The following CFAP61 variants were observed in gnomAD, a reference collection of about 807,000 sequenced individuals.
The protein encoded by CFAP61 is cilia and flagella associated protein 61, also known as cilia- and flagella-associated protein 61.
Under a neutral mutation model 135.6 loss-of-function variants are expected in CFAP61, and 107 were observed. That is an observed-to-expected ratio of 0.79 (90% CI 0.67 to 0.93). The LOEUF is 0.93. Among genes scored for constraint, CFAP61 ranks in the 40% least tolerant of loss-of-function variants. CFAP61 has a pLI of 0.00. For missense variants in CFAP61, 1,507 were observed against 1,556.2 expected, an observed-to-expected ratio of 0.97 and a Z score of 0.53; for synonymous variants, 575 against 578.5, an observed-to-expected ratio of 0.99 and a Z score of 0.09.
At chr20:20,243,874 T>TACA in intron 18 of CFAP61, among the ~76,000 whole-genome samples, 1 of 151,944 alleles carries the variant, frequency 6.6e-6, no homozygotes, top group East Asian at 1.9e-4. Context: ...ACAGTGGGGG[T>TACA]ACAGGCATTG....
chr20:20,188,085 G>A (rs2055644878), intron 14 of CFAP61, 29 bp downstream of exon 14: 1 of 1,613,008 alleles, frequency 6.2e-7, no homozygotes, highest in Non-Finnish European at 8.5e-7. Context: ...CAGACCTCAG[G>A]ATATGGGACC....
chr20:20,331,025 A>T (rs1175395917), intron 25 of CFAP61, among the ~76,000 whole-genome samples: 3 of 152,214 alleles, frequency 2.0e-5, no homozygotes, highest in Non-Finnish European at 4.4e-5. Context: ...AGACTATATA[A>T]ATACCTTATG....
chr20:20,183,531 A>G (rs1050256364), intron 13 of CFAP61, among the ~76,000 whole-genome samples: 3 of 152,338 alleles, frequency 2.0e-5, no homozygotes, highest in East Asian at 1.9e-4. Context: ...AAATACAGAC[A>G]TAGAGAGCAG....
At chr20:20,084,699 A>G (rs1219524805) in intron 6 of CFAP61, among the ~76,000 whole-genome samples, 2 of 152,212 alleles carry the variant, frequency 1.3e-5, no homozygotes, top group Non-Finnish European at 2.9e-5. Context: ...TAGCAAGCTC[A>G]GCTAACCGAC....
intron 25 of CFAP61, among the ~76,000 whole-genome samples, chr20:20,339,367 C>T (rs1373116765): frequency 2.0e-5 from 3 of 152,174 alleles, no homozygotes; most frequent in African/African-American, 4.8e-5. Context: ...CTAAGCTTCA[C>T]CAGGATCCAA....
intron 19 of CFAP61, among the ~76,000 whole-genome samples, chr20:20,250,549 G>A (rs1295806834): frequency 3.9e-5 from 6 of 152,148 alleles, no homozygotes; most frequent in African/African-American, 1.4e-4. Context: ...AGGAGTTTGA[G>A]ACCAGCTTGG....
Position 20,158,817 on chromosome 20 carries a change from CACA to C in CFAP61, c.952-552_952-550del, listed in dbSNP as rs2053167403. ...GATGTGTCATGTTCATTATCTTGAT[CACA>C]GTGATATTTTTATGGGTGTACACAT... On this transcript the variant is annotated intron_variant, in intron 9 of 26. Coordinates refer to ENST00000245957, the MANE Select transcript of CFAP61 (RefSeq NM_015585.4). Among the ~76,000 whole-genome samples the C allele has an allele frequency of 2.8e-4, 42 of 152,096 alleles. No individual in the cohort carries two copies. The South Asian group carries it at 8.3e-3, about 30-fold the overall frequency.
chr20:20,190,296 T>C lies in CFAP61; in HGVS notation c.1513-1046T>C, dbSNP rs76537868. On this transcript the variant is annotated intron_variant, in intron 14 of 26. Coordinates refer to ENST00000245957, the MANE Select transcript of CFAP61 (RefSeq NM_015585.4). ...AGCAGTGAAAGGAATGAACTCTTGA[T>C]ACATGCCTTGGCTTGGATAAATCTC... Among the ~76,000 whole-genome samples, 390 of 152,316 alleles carry C rather than the reference T, an allele frequency of 2.6e-3. 11 individuals are homozygous for C. In the East Asian group the frequency reaches 0.059, roughly 23 times the overall value.
chr20:20,199,570 A>G (rs1483209531), intron 16 of CFAP61, among the ~76,000 whole-genome samples, 198 bp from the exon 17 acceptor site: 2 of 152,084 alleles, frequency 1.3e-5, no homozygotes, highest in Non-Finnish European at 2.9e-5. Context: ...TTACTCTCGT[A>G]ATTATCTTCA....
chr20:20,331,166 A>G (rs2057976176), intron 25 of CFAP61, among the ~76,000 whole-genome samples: 2 of 152,282 alleles, frequency 1.3e-5, no homozygotes, highest in African/African-American at 2.4e-5. Flanking sequence ...TTAGCATCCT[A>G]CTGTAAGGAA....
intron 6 of CFAP61, among the ~76,000 whole-genome samples, chr20:20,078,779 A>AT (rs1213431766): frequency 2.0e-5 from 3 of 152,196 alleles, no homozygotes; most frequent in Non-Finnish European, 4.4e-5. Context: ...AAATGAAATT[A>AT]TTTAAGTAAA....
intron 18 of CFAP61, among the ~76,000 whole-genome samples, chr20:20,229,940 T>C (rs2049006474): frequency 1.3e-5 from 2 of 152,256 alleles, no homozygotes; most frequent in Admixed American, 6.5e-5. Context: ...GATGGGTCTC[T>C]TCCTCGAAAA....
At chr20:20,298,432 T>G in intron 25 of CFAP61, 46 bp downstream of exon 25, 1 of 1,501,238 alleles carries the variant, frequency 6.7e-7, no homozygotes, top group Non-Finnish European at 9.2e-7. Flanking sequence ...CAAATATATA[T>G]ATAATGTCTG....
chr20:20,199,625 T>G, intron 16 of CFAP61, 143 bp from the exon 17 acceptor site: 2 of 756,904 alleles, frequency 2.6e-6, no homozygotes, highest in South Asian at 1.9e-5. Flanking sequence ...GCTCGAAGAG[T>G]ATGTTTGTTT....
intron 6 of CFAP61, among the ~76,000 whole-genome samples, chr20:20,081,346 A>T (rs965037654): frequency 6.6e-6 from 1 of 152,244 alleles, no homozygotes; most frequent in Non-Finnish European, 1.5e-5. Flanking sequence ...TTCTGGAGGT[A>T]TGTAGGGCTT....
At chr20:20,077,065 C>T (rs1357562996) in intron 6 of CFAP61, among the ~76,000 whole-genome samples, 1 of 152,136 alleles carries the variant, frequency 6.6e-6, no homozygotes, top group Non-Finnish European at 1.5e-5. Flanking sequence ...GACTCATCTT[C>T]AGTTAACTGT....
At chr20:20,104,929 A>C (rs1042918115) in intron 8 of CFAP61, among the ~76,000 whole-genome samples, 1 of 152,108 alleles carries the variant, frequency 6.6e-6, no homozygotes, top group African/African-American at 2.4e-5. Context: ...CTCACCTGTA[A>C]CTTTAACTCA....
At chr20:20,144,397 T>C (rs533161137) in intron 9 of CFAP61, among the ~76,000 whole-genome samples, 1 of 121,774 alleles carries the variant, frequency 8.2e-6, no homozygotes, top group South Asian at 3.0e-4. Flanking sequence ...ATCAAACTTC[T>C]AGAGATTAAA....
chr20:20,102,875 T>A (rs2048126259), intron 8 of CFAP61, among the ~76,000 whole-genome samples: 1 of 152,158 alleles, frequency 6.6e-6, no homozygotes, highest in South Asian at 2.1e-4. Context: ...TCAAGCAGAA[T>A]AATGTCAAGA....
Sources: allele counts gnomAD v4.1 joint callset (sites outside exome capture counted in the v4.1 genomes callset), GRCh38; gene constraint gnomAD v4.1.1; transcripts MANE v1.5; gene names NCBI Gene and HGNC (gene_info 2026-07-23, HGNC 2026-07-21).